The following DAAM2 variants were observed in gnomAD, a reference collection of about 807,000 sequenced individuals.
DAAM2 encodes the protein disheveled-associated activator of morphogenesis 2.
In DAAM2, 39 loss-of-function variants were observed where a neutral mutation model predicts 120.7. That is an observed-to-expected ratio of 0.32 (90% CI 0.25 to 0.42). The LOEUF is 0.42. Ranked by LOEUF, DAAM2 falls within the 10% of genes least tolerant of loss-of-function variation. The pLI, the probability that DAAM2 is intolerant of heterozygous loss-of-function variation, is 1.00. For synonymous variants in DAAM2, 488 were observed against 524.9 expected (o/e 0.93, Z 0.96); for missense variants, 1,283 against 1,401.7 (o/e 0.92, Z 1.35).
intron 21 of DAAM2, among the ~76,000 whole-genome samples, chr6:39,898,138 A>G (rs1030504687): frequency 3.9e-5 from 6 of 152,258 alleles, no homozygotes; most frequent in Admixed American, 6.5e-5. Flanking sequence ...CCAGTTACCA[A>G]TCACAGGCAA....
At chr6:39,893,557 G>C (rs1369325433) in intron 19 of DAAM2, among the ~76,000 whole-genome samples, 1 of 152,076 alleles carries the variant, frequency 6.6e-6, no homozygotes, top group Non-Finnish European at 1.5e-5. Context: ...TGGATATTCA[G>C]GAAAGAGTCT....
chr6:39,865,347 A>G (rs1764383845), intron 5 of DAAM2, among the ~76,000 whole-genome samples: 1 of 152,176 alleles, frequency 6.6e-6, no homozygotes, highest in Admixed American at 6.5e-5. Context: ...AAATTTATTG[A>G]TTTATTTTTG....
At chr6:39,851,993 C>T (rs1481439191) in intron 1 of DAAM2, among the ~76,000 whole-genome samples, 1 of 152,208 alleles carries the variant, frequency 6.6e-6, no homozygotes. Flanking sequence ...GCTTAACTGG[C>T]TGTGACCTAT....
intron 1 of DAAM2, among the ~76,000 whole-genome samples, chr6:39,834,955 T>C (rs1763050086): frequency 6.6e-6 from 1 of 152,200 alleles, no homozygotes; most frequent in Non-Finnish European, 1.5e-5. Context: ...CCTTCCCTGG[T>C]GTCCTCCTTG....
chr6:39,900,842 T>C (rs887242992), intron 23 of DAAM2, among the ~76,000 whole-genome samples: 1 of 152,124 alleles, frequency 6.6e-6, no homozygotes, highest in Non-Finnish European at 1.5e-5. Context: ...CCTATATAAA[T>C]ATAGCCACTG....
Position 39,878,397 on chromosome 6 carries a change from A to G in DAAM2, c.1361-7A>G, listed in dbSNP as rs1764960655. 1.9e-6 allele frequency: 3 copies of G among 1,611,208 alleles called. No individual in the cohort carries two copies. In the African/African-American group the frequency reaches 4.0e-5, roughly 22 times the overall value. Reference sequence around the variant, plus strand: ...CTGTTTCCTCTCCCGTCCCACCCCCATTCCAGAACACATGGAGCTTGTGAG... The same window carrying G: ...CTGTTTCCTCTCCCGTCCCACCCCCGTTCCAGAACACATGGAGCTTGTGAG... On this transcript the variant is annotated splice_polypyrimidine_tract_variant and splice_region_variant and intron_variant, in intron 12 of 24. Transcript: ENST00000274867. The surrounding 1 kb of genome is among the most constrained non-coding windows in gnomAD (Gnocchi z 5.0).
intron 3 of DAAM2, among the ~76,000 whole-genome samples, chr6:39,863,597 AC>A (rs1455212769): frequency 6.6e-6 from 1 of 152,112 alleles, no homozygotes; most frequent in African/African-American, 2.4e-5. Flanking sequence ...CTCCAAAGTG[AC>A]CTGGGGCACA....
intron 1 of DAAM2, among the ~76,000 whole-genome samples, chr6:39,798,796 A>G (rs1445143562): frequency 5.3e-5 from 8 of 151,896 alleles, no homozygotes; most frequent in Non-Finnish European, 1.0e-4. Flanking sequence ...TTTTTTCTCA[A>G]ATTCCCTCTA....
intron 1 of DAAM2, among the ~76,000 whole-genome samples, chr6:39,851,986 T>A (rs1039171117): frequency 6.6e-6 from 1 of 152,234 alleles, no homozygotes; most frequent in African/African-American, 2.4e-5. Context: ...AAGCGTTGCT[T>A]AACTGGCTGT....
intron 1 of DAAM2, among the ~76,000 whole-genome samples, chr6:39,825,651 T>A (rs1340363276): frequency 6.6e-6 from 1 of 152,040 alleles, no homozygotes; most frequent in Non-Finnish European, 1.5e-5. Context: ...ACCGTGGCTG[T>A]GATTGGGCAG....
In DAAM2 at chr6:39,891,174, C is replaced by T. The variant is rs1765691581; in HGVS notation, c.2146-167C>T. ...AAAAAAGAATTTCAGAGCTGTGTGC[C>T]CTGTCATCCCCTTCAGGCAGATGAA... On this transcript the variant is annotated intron_variant, in intron 17 of 24. Transcript: ENST00000274867. The T allele has an allele frequency of 1.4e-5, 8 of 572,252 alleles. No individual in the cohort carries two copies. The South Asian group carries it at 1.7e-4, about 12-fold the overall frequency. The allele number at this position is 572,252 out of a possible 1,614,324, so 35.4% of individuals were successfully genotyped here.
At chr6:39,856,541 G>C in intron 2 of DAAM2, 71 bp downstream of exon 2, 7 of 1,250,718 alleles carry the variant, frequency 5.6e-6, no homozygotes, top group Non-Finnish European at 7.3e-6. Flanking sequence ...GCTGGACAGA[G>C]GGCAGGGCCC....
intron 14 of DAAM2, 157 bp from the exon 15 acceptor site, chr6:39,883,805 G>A (rs1033486527): frequency 1.6e-6 from 1 of 622,100 alleles, no homozygotes; most frequent in African/African-American, 1.8e-5. Context: ...CAAGAGAGTT[G>A]GAGGTTGAGG....
intron 19 of DAAM2, among the ~76,000 whole-genome samples, chr6:39,895,436 G>A (rs146086751): frequency 1.7e-3 from 255 of 151,912 alleles, no homozygotes; most frequent in Non-Finnish European, 3.0e-3. Context: ...GGGTTTCACC[G>A]TGTCACCCAG....
chr6:39,828,570 C>CTTTTTTTTTTTTTTTTTTTTTTT (rs1430820441), intron 1 of DAAM2, among the ~76,000 whole-genome samples: 1 of 142,554 alleles, frequency 7.0e-6, no homozygotes. Flanking sequence ...CCCCCTCCGT[C>CTTTTTTTTTTTTTTTTTTTTTTT]TTTTTTTTTT....
intron 1 of DAAM2, among the ~76,000 whole-genome samples, chr6:39,855,868 G>A (rs935007848): frequency 1.3e-5 from 2 of 152,214 alleles, no homozygotes; most frequent in Non-Finnish European, 2.9e-5. Context: ...CTTGCTGGAA[G>A]CTGATCTTAC....
At chr6:39,900,557 T>G (rs1313082667) in intron 23 of DAAM2, among the ~76,000 whole-genome samples, 1 of 152,176 alleles carries the variant, frequency 6.6e-6, no homozygotes, top group African/African-American at 2.4e-5. Context: ...TAGAACTGGG[T>G]TAGAATCTGA....
At chr6:39,866,866 T>G (rs1418201689) in intron 5 of DAAM2, among the ~76,000 whole-genome samples, 1 of 152,262 alleles carries the variant, frequency 6.6e-6, no homozygotes, top group Non-Finnish European at 1.5e-5. Flanking sequence ...CATTTATTGC[T>G]GACATTCATC....
chr6:39,899,925 A>T, intron 22 of DAAM2, 152 bp from the exon 23 acceptor site: 2 of 828,710 alleles, frequency 2.4e-6, no homozygotes, highest in African/African-American at 1.7e-5. Context: ...GTTAGCTCAT[A>T]GTCTTTGCCA....
Sources: allele counts gnomAD v4.1 joint callset (sites outside exome capture counted in the v4.1 genomes callset), GRCh38; gene constraint gnomAD v4.1.1; non-coding constraint Gnocchi (gnomAD v3.1); transcripts MANE v1.5; gene names NCBI Gene and HGNC (gene_info 2026-07-23, HGNC 2026-07-21).